The following HLA-DMA variants were observed in gnomAD, a reference collection of about 807,000 sequenced individuals.
HLA-DMA encodes the protein HLA class II histocompatibility antigen, DM alpha chain.
A neutral mutation model predicts 27.3 loss-of-function variants in HLA-DMA; 20 were observed. The ratio of observed to expected loss-of-function variants is 0.73; its 90% CI spans 0.52 to 1.07. The LOEUF (loss-of-function observed/expected upper bound fraction) is 1.07. HLA-DMA is among the 50% of genes least tolerant of loss of function. The pLI is 0.00. For missense variants in HLA-DMA, 241 were observed against 321.7 expected, an observed-to-expected ratio of 0.75 and a Z score of 1.92; for synonymous variants, 111 against 126.8, an observed-to-expected ratio of 0.88 and a Z score of 0.83.
In HLA-DMA at chr6:32,950,073, G is replaced by C; in HGVS notation, c.374-184C>G. On this transcript the variant is annotated intron_variant, in intron 2 of 4. Coordinates refer to ENST00000374843, the MANE Select transcript of HLA-DMA (RefSeq NM_006120.4). This position sits in a 1 kb window ranked among gnomAD's most constrained non-coding sequence, Gnocchi z 5.0. ...GGTCTTCTTCCAGGCAAGGACTGCA[G>C]CTAGACATAGAAGCAGAGCCAGATC... 1 of 636,910 alleles carries C rather than the reference G, an allele frequency of 1.6e-6. No homozygotes were observed. The highest frequency in any genetic ancestry group is 2.7e-6 in the Non-Finnish European group (1 of 370,922). The allele number at this position is 636,910 out of a possible 1,614,324, so 39.5% of individuals were successfully genotyped here.
intron 1 of HLA-DMA, chr6:32,952,543 A>G (rs1776950422): frequency 2.5e-6 from 1 of 405,230 alleles, no homozygotes; most frequent in African/African-American, 2.1e-5. Flanking sequence ...CCCATCCTCT[A>G]CAGAGAAGGA....
Position 32,953,035 on chromosome 6 carries a change from ATACCT to A in HLA-DMA, c.-4_1del. The A allele has an allele frequency of 6.2e-7, 1 of 1,612,188 alleles. No homozygotes were observed. The highest frequency in any genetic ancestry group is 8.5e-7 in the Non-Finnish European group (1 of 1,179,480). ...AGCTCCTTGGTTCTGTTCATGACCC[ATACCT>A]TCTTGCCACACAGTAGGTAGGAGCT... On this transcript the variant is annotated start_lost and start_retained_variant and 5_prime_UTR_variant, in exon 1 of 5. Coordinates refer to ENST00000374843, the MANE Select transcript of HLA-DMA (RefSeq NM_006120.4).
Position 32,949,552 on chromosome 6 carries a change from C to T in HLA-DMA, c.652+59G>A. On this transcript the variant is annotated intron_variant, in intron 3 of 4. Coordinates refer to ENST00000374843, the MANE Select transcript of HLA-DMA (RefSeq NM_006120.4). The surrounding 1 kb of genome is among the most constrained non-coding windows in gnomAD (Gnocchi z 5.8). ...TACCAGTGGAGAAAGAAGCCTCCTC[C>T]CATGGATCTATCCCTTTTTGCCCCC... 6.2e-7 allele frequency: 1 copy of T among 1,604,920 alleles called. No homozygotes were observed. The highest frequency in any genetic ancestry group is 8.5e-7 in the Non-Finnish European group (1 of 1,173,346).
chr6:32,952,236 T>C (rs1040737636), intron 1 of HLA-DMA: 1 of 445,288 alleles, frequency 2.2e-6, no homozygotes, highest in South Asian at 1.6e-5. Context: ...AAGCCATAGA[T>C]GGGACTGCCT....
In HLA-DMA at chr6:32,949,936, T is replaced by C. The variant is rs759825339; in HGVS notation, c.374-47A>G. On this transcript the variant is annotated intron_variant, in intron 2 of 4. Coordinates refer to ENST00000374843, the MANE Select transcript of HLA-DMA (RefSeq NM_006120.4). The surrounding 1 kb of genome is among the most constrained non-coding windows in gnomAD (Gnocchi z 5.8). ...AGGGGGAAAAAGAGACTAGTTTAGA[T>C]GGTATCTCTGTGTTTGGAGGGGCCA... The C allele has an allele frequency of 3.1e-6, 5 of 1,589,594 alleles. No individual in the cohort carries two copies. Among genetic ancestry groups the C allele is most frequent in the Non-Finnish European group, 4.3e-6 (5 of 1,164,076 alleles).
rs1436418478 is a variant in HLA-DMA, at chr6:32,950,378, A to C, written c.373+141T>G. ...CCAAAAGAACACAGGGTGCAGACCA[A>C]GGCTGGTGGAAAAATTAAGGTGATG... On this transcript the variant is annotated intron_variant, in intron 2 of 4. Transcript: ENST00000374843. The surrounding 1 kb of genome is among the most constrained non-coding windows in gnomAD (Gnocchi z 5.0). The C allele has an allele frequency of 8.5e-6, 9 of 1,056,980 alleles. No individual in the cohort carries two copies. The highest frequency in any genetic ancestry group is 1.3e-5 in the Non-Finnish European group (9 of 708,850). The allele number at this position is 1,056,980 out of a possible 1,614,324, so 65.5% of individuals were successfully genotyped here. A position where few individuals can be genotyped will look rare whatever the true frequency, so the allele number is the denominator to read the frequency against.
At position 32,950,599 on chromosome 6, in the gene HLA-DMA, A is replaced by G; in HGVS notation, c.293T>C (p.Ile98Thr). The part of the protein sequence containing the change: ...WAQEQGDAPA[I>T]LFDKEFCEWM... Reference sequence around the variant, plus strand: ...CTCGCAGAACTCTTTGTCAAATAAAATGGCAGGAGCATCTCCCTGTTCCTG... The same window carrying G: ...CTCGCAGAACTCTTTGTCAAATAAAGTGGCAGGAGCATCTCCCTGTTCCTG... Residue 98 changes from isoleucine (I) to threonine (T), a missense_variant, in exon 2 of 5, where the codon ATT (isoleucine) becomes ACT (threonine). Ile to Thr is a moderately conservative substitution (Grantham distance 89). Coordinates refer to ENST00000374843, the MANE Select transcript of HLA-DMA (RefSeq NM_006120.4). The surrounding 1 kb of genome is among the most constrained non-coding windows in gnomAD (Gnocchi z 5.0). 1 of 1,613,056 alleles carries G rather than the reference A, an allele frequency of 6.2e-7. No individual in the cohort carries two copies. The highest frequency in any genetic ancestry group is 8.5e-7 in the Non-Finnish European group (1 of 1,180,018).
intron 1 of HLA-DMA, among the ~76,000 whole-genome samples, chr6:32,951,199 A>C (rs1776883501): frequency 6.6e-6 from 1 of 152,148 alleles, no homozygotes; most frequent in African/African-American, 2.4e-5. Context: ...GCGTGGGCTG[A>C]GGTGAGACCC....
chr6:32,950,700 G>A lies in HLA-DMA; in HGVS notation c.192C>T (p.Asp64=), dbSNP rs754248791. The A allele has an allele frequency of 5.0e-6, 8 of 1,612,948 alleles. No homozygotes were observed. Among genetic ancestry groups the A allele is most frequent in the African/African-American group, 1.3e-5 (1 of 74,926 alleles). ...AGTCGAAGAAGAAAAGCTGGTCCTC[G>A]TCGTAGGCCTCAGAGAGTCCCACAC... is the stretch of plus-strand genomic sequence containing the variant. ...SPSVGLSEAY[D]EDQLFFFDFS... Residue 64 remains aspartate, a synonymous_variant, in exon 2 of 5, where the codon GAC becomes GAT. Coordinates refer to ENST00000374843, the MANE Select transcript of HLA-DMA (RefSeq NM_006120.4). The surrounding 1 kb of genome is among the most constrained non-coding windows in gnomAD (Gnocchi z 5.0).
Position 32,949,994 on chromosome 6 carries a change from A to G in HLA-DMA, c.374-105T>C. 8.8e-7 allele frequency: 1 copy of G among 1,131,626 alleles called. No individual in the cohort carries two copies. Among genetic ancestry groups the G allele is most frequent in the Non-Finnish European group, 1.3e-6 (1 of 785,326 alleles). 70.1% of individuals were successfully genotyped at this position (1,131,626 alleles called of 1,614,324 possible). On this transcript the variant is annotated intron_variant, in intron 2 of 4. Coordinates refer to ENST00000374843, the MANE Select transcript of HLA-DMA (RefSeq NM_006120.4). This position sits in a 1 kb window ranked among gnomAD's most constrained non-coding sequence, Gnocchi z 5.8. ...TGGAGGGGAGGGCAGAGAAGAACAC[A>G]GTGGGTCAGGCTTTGGGAGACAGAG...
intron 1 of HLA-DMA, among the ~76,000 whole-genome samples, chr6:32,951,900 C>G (rs2077022): frequency 0.93 from 141,826 of 152,196 alleles, 66,248 homozygotes; most frequent in Middle Eastern, 0.98. Flanking sequence ...CTGCACTCTA[C>G]CCTGGGTGAC....
chr6:32,951,073 C>T (rs2127481617), intron 1 of HLA-DMA, among the ~76,000 whole-genome samples: 1 of 152,236 alleles, frequency 6.6e-6, no homozygotes, highest in Middle Eastern at 3.4e-3. Flanking sequence ...TTGCTTGAAC[C>T]AGGGAGGCAG....
In HLA-DMA at chr6:32,950,180, T is replaced by C; in HGVS notation, c.374-291A>G. 1.7e-6 allele frequency: 1 copy of C among 592,872 alleles called. No individual in the cohort carries two copies. The highest frequency in any genetic ancestry group is 2.8e-5 in the East Asian group (1 of 35,944). 36.7% of individuals were successfully genotyped at this position (592,872 alleles called of 1,614,324 possible). The stretch of plus-strand genomic sequence containing the variant: ...CACATTGATGTCTAACCATGCACTG[T>C]CTTCTCACTAAGACATAGTCACGTC... On this transcript the variant is annotated intron_variant, in intron 2 of 4. Transcript: ENST00000374843. The surrounding 1 kb of genome is among the most constrained non-coding windows in gnomAD (Gnocchi z 5.0).
chr6:32,949,253 C>T lies in HLA-DMA; in HGVS notation c.781+18G>A. 1 of 1,614,142 alleles carries T rather than the reference C, an allele frequency of 6.2e-7. No individual in the cohort carries two copies. Among genetic ancestry groups the T allele is most frequent in the Non-Finnish European group, 8.5e-7 (1 of 1,180,002 alleles). On this transcript the variant is annotated intron_variant, in intron 4 of 4. Coordinates refer to ENST00000374843, the MANE Select transcript of HLA-DMA (RefSeq NM_006120.4). This position sits in a 1 kb window ranked among gnomAD's most constrained non-coding sequence, Gnocchi z 5.8. ...ATCTGGCTCCCACAGGCTCACCCGC[C>T]CCCTCCAGATGACATACCACCTGAG...
chr6:32,949,144 C>A lies in HLA-DMA; in HGVS notation c.781+127G>T. 2 of 1,273,952 alleles carry A rather than the reference C, an allele frequency of 1.6e-6. No individual in the cohort carries two copies. Among genetic ancestry groups the A allele is most frequent in the Non-Finnish European group, 1.1e-6 (1 of 906,500 alleles). 78.9% of individuals were successfully genotyped at this position (1,273,952 alleles called of 1,614,324 possible). A position where few individuals can be genotyped will look rare whatever the true frequency, so the allele number is the denominator to read the frequency against. ...GTGCCCCCATGGTGCTGGATACAGG[C>A]CCCCACACCCAAGGGCCTGAGGATC... On this transcript the variant is annotated intron_variant, in intron 4 of 4. Transcript: ENST00000374843. This position sits in a 1 kb window ranked among gnomAD's most constrained non-coding sequence, Gnocchi z 5.8.
Position 32,950,590 on chromosome 6 carries a change from T to A in HLA-DMA, c.302A>T (p.Asp101Val). ...GATCATCCACTCGCAGAACTCTTTGTCAAATAAAATGGCAGGAGCATCTCC... is the reference window on the plus strand; with the variant it reads ...GATCATCCACTCGCAGAACTCTTTGACAAATAAAATGGCAGGAGCATCTCC... ...EQGDAPAILF[D>V]KEFCEWMIQQ... Residue 101 changes from aspartate (D) to valine (V), a missense_variant, in exon 2 of 5, where the codon GAC (aspartate) becomes GTC (valine). Asp to Val is a radical substitution (Grantham distance 152). Transcript: ENST00000374843. The surrounding 1 kb of genome is among the most constrained non-coding windows in gnomAD (Gnocchi z 5.0). The A allele has an allele frequency of 6.2e-7, 1 of 1,613,028 alleles. No homozygotes were observed.
rs781033818 is a variant in HLA-DMA at position 32,949,751 on chromosome 6, A to T, written c.512T>A (p.Phe171Tyr). 1.9e-6 allele frequency: 3 copies of T among 1,613,102 alleles called. No individual in the cohort carries two copies. Among genetic ancestry groups the T allele is most frequent in the Non-Finnish European group, 2.5e-6 (3 of 1,180,032 alleles). Residue 171 changes from phenylalanine to tyrosine, a missense_variant, in exon 3 of 5, where the codon TTT becomes TAT. Coordinates refer to ENST00000374843, the MANE Select transcript of HLA-DMA (RefSeq NM_006120.4). This position sits in a 1 kb window ranked among gnomAD's most constrained non-coding sequence, Gnocchi z 5.8. The part of the protein sequence containing the change: ...WQHHSVPVEG[F>Y]GPTFVSAVDG... ...GACAGCTGAGACAAAAGTAGGCCCAAATCCTTCCACAGGGACGGAATGATG... is the reference window on the plus strand; with the variant it reads ...GACAGCTGAGACAAAAGTAGGCCCATATCCTTCCACAGGGACGGAATGATG...
Position 32,950,173 on chromosome 6 carries a change from T to C in HLA-DMA, c.374-284A>G, listed in dbSNP as rs142827383. On this transcript the variant is annotated intron_variant, in intron 2 of 4. Coordinates refer to ENST00000374843, the MANE Select transcript of HLA-DMA (RefSeq NM_006120.4). The surrounding 1 kb of genome is among the most constrained non-coding windows in gnomAD (Gnocchi z 5.0). ...TAGAGCTCACATTGATGTCTAACCA[T>C]GCACTGTCTTCTCACTAAGACATAG... The C allele has an allele frequency of 0.016, 9,273 of 593,706 alleles. 112 individuals carry two copies. The highest frequency in any genetic ancestry group is 0.021 in the Non-Finnish European group (6,921 of 334,790). The allele number at this position is 593,706 out of a possible 1,614,324, so 36.8% of individuals were successfully genotyped here. A position where few individuals can be genotyped will look rare whatever the true frequency, so the allele number is the denominator to read the frequency against.
chr6:32,950,690 G>C lies in HLA-DMA; in HGVS notation c.202C>G (p.Leu68Val). Residue 68 changes from leucine to valine, a missense_variant, in exon 2 of 5, where the codon CTT becomes GTT. Transcript: ENST00000374843. This position sits in a 1 kb window ranked among gnomAD's most constrained non-coding sequence, Gnocchi z 5.0. ...TTCTGGGAAAAGTCGAAGAAGAAAA[G>C]CTGGTCCTCGTCGTAGGCCTCAGAG... ...GLSEAYDEDQ[L>V]FFFDFSQNTR... The C allele has an allele frequency of 6.2e-7, 1 of 1,613,092 alleles. No homozygotes were observed. Among genetic ancestry groups the C allele is most frequent in the Non-Finnish European group, 8.5e-7 (1 of 1,180,048 alleles).
Sources: gnomAD v4.1 joint callset for allele counts (sites outside exome capture counted in the v4.1 genomes callset) on GRCh38, gnomAD v4.1.1 for gene constraint, Gnocchi (gnomAD v3.1) non-coding constraint, MANE v1.5 for transcripts, NCBI Gene and HGNC (gene_info 2026-07-23, HGNC 2026-07-21) for gene names.